The following SH3BGRL variants were observed in gnomAD, a reference collection of about 807,000 sequenced individuals.
SH3BGRL encodes adapter SH3BGRL.
SH3BGRL carries 7 observed loss-of-function variants against 9.8 expected under a neutral mutation model. That is an observed-to-expected ratio of 0.72 (90% confidence interval 0.41 to 1.35). SH3BGRL has a LOEUF of 1.35. Among genes scored for constraint, SH3BGRL ranks in the 40% most tolerant of loss-of-function variants. SH3BGRL has a pLI of 0.01. For synonymous variants in SH3BGRL, 36 were observed against 29.1 expected (o/e 1.24, Z -0.76); for missense variants, 73 against 84.4 (o/e 0.86, Z 0.53).
At chrX:81,287,025 T>G (rs981038915) in intron 3 of SH3BGRL, among the ~76,000 whole-genome samples, 1 of 111,660 alleles carries the variant, frequency 9.0e-6, no homozygotes, top group African/African-American at 3.2e-5. Context: ...TTTCTCCCAT[T>G]AAAAATGATA....
rs753751962 is a variant in SH3BGRL at position 81,297,887 on chromosome X, G to A, written c.*660G>A. 2.7e-5 allele frequency: 3 copies of A among 111,579 alleles called. No individual in the cohort carries two copies. Among genetic ancestry groups the A allele is most frequent in the African/African-American group, 6.5e-5 (2 of 30,775 alleles). The allele number at this position is 111,579 out of a possible 1,213,427, so 9.2% of individuals were successfully genotyped here. ...ACAAAAGCAATAGATTCATTCAGTG[G>A]ACAAGTTCCTTGTTTAACTACACAG... On this transcript the variant is annotated 3_prime_UTR_variant, in exon 4 of 4. Coordinates refer to ENST00000373212, the MANE Select transcript of SH3BGRL (RefSeq NM_003022.3).
chrX:81,252,018 C>G (rs2075712395), intron 1 of SH3BGRL, among the ~76,000 whole-genome samples: 1 of 111,811 alleles, frequency 8.9e-6, no homozygotes, highest in African/African-American at 3.3e-5. Flanking sequence ...TTCTGTTCCC[C>G]TAAAAAGATA....
intron 1 of SH3BGRL, among the ~76,000 whole-genome samples, chrX:81,264,977 ACC>A (rs2075751807): frequency 1.8e-5 from 2 of 109,391 alleles, no homozygotes; most frequent in African/African-American, 6.7e-5. Context: ...AAGAAGAAAA[ACC>A]CTTTTAACCC....
chrX:81,244,941 T>C (rs1290941849), intron 1 of SH3BGRL, among the ~76,000 whole-genome samples: 3 of 111,897 alleles, frequency 2.7e-5, no homozygotes, highest in Non-Finnish European at 5.6e-5. Context: ...AGGTGTCAGA[T>C]GCTAGCAGAG....
At chrX:81,249,476 T>C (rs1280987928) in intron 1 of SH3BGRL, among the ~76,000 whole-genome samples, 1 of 112,632 alleles carries the variant, frequency 8.9e-6, no homozygotes, top group Non-Finnish European at 1.9e-5. Context: ...TGTCCCATTT[T>C]ATTGCTTATA....
intron 1 of SH3BGRL, among the ~76,000 whole-genome samples, chrX:81,239,867 A>G (rs909410172): frequency 2.7e-5 from 3 of 112,269 alleles, no homozygotes; most frequent in Non-Finnish European, 5.6e-5. Flanking sequence ...GTGGGACGAT[A>G]TATTTAAAGT....
intron 1 of SH3BGRL, among the ~76,000 whole-genome samples, chrX:81,225,254 T>C (rs2075613191): frequency 9.0e-6 from 1 of 111,353 alleles, no homozygotes; most frequent in Non-Finnish European, 1.9e-5. Flanking sequence ...TGTTTTAGCA[T>C]AGAGCAGGAG....
At chrX:81,289,012 C>A (rs1421323548) in intron 3 of SH3BGRL, among the ~76,000 whole-genome samples, 3 of 112,070 alleles carry the variant, frequency 2.7e-5, no homozygotes, top group African/African-American at 6.5e-5. Flanking sequence ...ATCACATTAC[C>A]TGACTTCCAA....
intron 1 of SH3BGRL, among the ~76,000 whole-genome samples, chrX:81,276,505 C>T (rs1243041856): frequency 9.0e-6 from 1 of 110,921 alleles, no homozygotes. Flanking sequence ...AAAATTGAGA[C>T]TTGAATGACT....
chrX:81,236,877 C>T (rs1484116064), intron 1 of SH3BGRL, among the ~76,000 whole-genome samples: 6 of 97,421 alleles, frequency 6.2e-5, no homozygotes, highest in African/African-American at 2.3e-4. Flanking sequence ...GAGGGAAGGA[C>T]GGAGGGAGAG....
At chrX:81,212,173 T>C (rs1477116394) in intron 1 of SH3BGRL, among the ~76,000 whole-genome samples, 2 of 110,371 alleles carry the variant, frequency 1.8e-5, no homozygotes, top group Non-Finnish European at 3.8e-5. Context: ...CGGGGGACGA[T>C]CATTTGAGGC....
chrX:81,216,454 ACT>A (rs771588369), intron 1 of SH3BGRL, among the ~76,000 whole-genome samples: 1 of 110,447 alleles, frequency 9.1e-6, no homozygotes, highest in Non-Finnish European at 1.9e-5. Flanking sequence ...ATCCAGTTAT[ACT>A]CTTTCAGTTT....
intron 3 of SH3BGRL, among the ~76,000 whole-genome samples, chrX:81,285,848 T>G (rs1342552395): frequency 8.9e-6 from 1 of 112,079 alleles, no homozygotes; most frequent in Admixed American, 9.5e-5. Context: ...TAATTACATT[T>G]AAAATGTATG....
chrX:81,218,830 T>A (rs996059536), intron 1 of SH3BGRL, among the ~76,000 whole-genome samples: 2 of 92,804 alleles, frequency 2.2e-5, no homozygotes, highest in African/African-American at 8.1e-5. Flanking sequence ...TATAGATATA[T>A]CCCAATTTGA....
intron 1 of SH3BGRL, among the ~76,000 whole-genome samples, chrX:81,212,715 C>G (rs1015437568): frequency 1.8e-5 from 2 of 111,265 alleles, no homozygotes; most frequent in South Asian, 7.6e-4. Flanking sequence ...GAGTTGAACT[C>G]GAGAAGTAAA....
intron 1 of SH3BGRL, among the ~76,000 whole-genome samples, chrX:81,272,821 T>G (rs2075785569): frequency 9.0e-6 from 1 of 111,524 alleles, no homozygotes; most frequent in Admixed American, 9.5e-5. Context: ...TTTTCTAAAA[T>G]GAAGAGTGAC....
At chrX:81,249,318 G>A (rs1404722298) in intron 1 of SH3BGRL, among the ~76,000 whole-genome samples, 1 of 112,005 alleles carries the variant, frequency 8.9e-6, no homozygotes, top group African/African-American at 3.2e-5. Context: ...CTCTTAGAGA[G>A]TAAATTTCCT....
chrX:81,289,785 A>G (rs1301388226), intron 3 of SH3BGRL, among the ~76,000 whole-genome samples: 2 of 110,874 alleles, frequency 1.8e-5, no homozygotes, highest in Non-Finnish European at 3.8e-5. Flanking sequence ...TTCAACCCAA[A>G]AGGTGGAGGT....
chrX:81,202,221 T>C lies in SH3BGRL; in HGVS notation c.21T>C (p.Ile7=), dbSNP rs146392804. The part of the protein sequence containing the change: MVIRVY[I]ASSSGSTAIK... ...CCAGGATGGTGATCCGTGTATATATTGCATCTTCCTCTGGCTCTACAGCGG... is the reference window on the plus strand; with the variant it reads ...CCAGGATGGTGATCCGTGTATATATCGCATCTTCCTCTGGCTCTACAGCGG... The change falls in exon 1 of 4, where the codon ATT becomes ATC. Residue 7 remains isoleucine, a synonymous_variant. Coordinates refer to ENST00000373212, the MANE Select transcript of SH3BGRL (RefSeq NM_003022.3). 52 of 1,206,845 alleles carry C rather than the reference T, an allele frequency of 4.3e-5. No individual in the cohort carries two copies. The highest frequency in any genetic ancestry group is 5.8e-5 in the Non-Finnish European group (52 of 893,742).
Sources: gnomAD v4.1 joint callset for allele counts (sites outside exome capture counted in the v4.1 genomes callset) on GRCh38, gnomAD v4.1.1 for gene constraint, MANE v1.5 for transcripts, NCBI Gene and HGNC (gene_info 2026-07-23, HGNC 2026-07-21) for gene names.